ARFIP1: variants seen among roughly 807,000 people sequenced by gnomAD.
ARFIP1 encodes ARF interacting protein 1, also known as arfaptin-1.
A neutral mutation model predicts 42.5 loss-of-function variants in ARFIP1; 24 were observed. That is an observed-to-expected ratio of 0.57 (90% CI 0.41 to 0.80). The LOEUF (loss-of-function observed/expected upper bound fraction) is 0.80. ARFIP1 is among the 30% of genes least tolerant of loss of function. The pLI is 0.00. For synonymous variants in ARFIP1, 141 were observed against 153.7 expected, an observed-to-expected ratio of 0.92 and a Z score of 0.61; for missense variants, 354 against 434.0, an observed-to-expected ratio of 0.82 and a Z score of 1.64.
At chr4:152,837,351 C>T (rs939406755) in intron 2 of ARFIP1, among the ~76,000 whole-genome samples, 2 of 152,192 alleles carry the variant, frequency 1.3e-5, no homozygotes, top group Non-Finnish European at 2.9e-5. Flanking sequence ...GGAATCTCCA[C>T]ACTGTTTTCC....
At chr4:152,893,426 G>A (rs1174730941) in intron 8 of ARFIP1, among the ~76,000 whole-genome samples, 1 of 151,842 alleles carries the variant, frequency 6.6e-6, no homozygotes, top group African/African-American at 2.4e-5. Context: ...TTTTTAGATA[G>A]CTTTTTATGT....
intron 1 of ARFIP1, among the ~76,000 whole-genome samples, chr4:152,811,062 C>T (rs4350995): frequency 1.3e-5 from 2 of 148,336 alleles, no homozygotes; most frequent in African/African-American, 2.5e-5. Flanking sequence ...ACATGGAAAT[C>T]GACAACAGCC....
intron 1 of ARFIP1, among the ~76,000 whole-genome samples, chr4:152,807,605 G>A (rs1200993369): frequency 6.6e-6 from 1 of 151,854 alleles, no homozygotes; most frequent in Non-Finnish European, 1.5e-5. Context: ...TTTTTCATTT[G>A]TGTTTTCTTG....
chr4:152,889,838 A>ATATATATAC (rs539861593), intron 8 of ARFIP1, among the ~76,000 whole-genome samples: 8 of 108,726 alleles, frequency 7.4e-5, no homozygotes, highest in African/African-American at 2.3e-4. Flanking sequence ...ACTATATACT[A>ATATATATAC]TATATATACT....
chr4:152,866,006 G>A (rs1224218224), intron 3 of ARFIP1, among the ~76,000 whole-genome samples: 2 of 152,004 alleles, frequency 1.3e-5, no homozygotes, highest in African/African-American at 4.8e-5. Context: ...CCTAGGCAGA[G>A]GACCCTGCGG....
intron 2 of ARFIP1, among the ~76,000 whole-genome samples, chr4:152,858,840 T>C (rs548023414): frequency 6.6e-6 from 1 of 152,266 alleles, no homozygotes; most frequent in Admixed American, 6.5e-5. Flanking sequence ...GTAAGGGGAA[T>C]AGGGATTTCT....
chr4:152,788,643 G>A (rs1730954528), intron 1 of ARFIP1, among the ~76,000 whole-genome samples: 1 of 151,984 alleles, frequency 6.6e-6, no homozygotes, highest in Non-Finnish European at 1.5e-5. Flanking sequence ...ATTATGCCAC[G>A]GTACTCCATC....
At chr4:152,870,316 A>T (rs1734771997) in intron 3 of ARFIP1, among the ~76,000 whole-genome samples, 1 of 152,232 alleles carries the variant, frequency 6.6e-6, no homozygotes. Flanking sequence ...ATATGAGAGC[A>T]TGTTTTAATA....
chr4:152,907,975 A>C (rs1738509508), intron 8 of ARFIP1, among the ~76,000 whole-genome samples: 1 of 152,240 alleles, frequency 6.6e-6, no homozygotes, highest in Admixed American at 6.5e-5. Flanking sequence ...TTTCAAAAAC[A>C]ATTGTACATA....
chr4:152,874,606 T>C (rs1735169623), intron 5 of ARFIP1, among the ~76,000 whole-genome samples: 1 of 152,240 alleles, frequency 6.6e-6, no homozygotes, highest in Non-Finnish European at 1.5e-5. Flanking sequence ...ATTTGGATAA[T>C]GCTTCAAATA....
At chr4:152,834,768 G>T (rs1578896321) in intron 2 of ARFIP1, among the ~76,000 whole-genome samples, 1 of 152,206 alleles carries the variant, frequency 6.6e-6, no homozygotes, top group Admixed American at 6.5e-5. Flanking sequence ...GGTCTGGAGG[G>T]TGGTGGCTCC....
intron 1 of ARFIP1, among the ~76,000 whole-genome samples, chr4:152,816,422 C>G (rs1465478679): frequency 1.3e-5 from 2 of 152,204 alleles, no homozygotes; most frequent in Admixed American, 6.5e-5. Flanking sequence ...ATGATACCAC[C>G]TCCTGATACT....
chr4:152,807,072 G>A (rs1045237108), intron 1 of ARFIP1: 3 of 151,980 alleles, frequency 2.0e-5, no homozygotes, highest in Non-Finnish European at 2.9e-5. Context: ...CCCATGTTTC[G>A]AAATTAATCA....
chr4:152,832,632 G>A (rs1385893455), intron 2 of ARFIP1, among the ~76,000 whole-genome samples: 4 of 151,934 alleles, frequency 2.6e-5, no homozygotes, highest in Admixed American at 2.0e-4. Context: ...TTTTTATGTC[G>A]CATTTAAGAA....
At chr4:152,894,324 T>C (rs142111936) in intron 8 of ARFIP1, among the ~76,000 whole-genome samples, 199 of 152,230 alleles carry the variant, frequency 1.3e-3, no homozygotes, top group African/African-American at 4.3e-3. Flanking sequence ...CTAAAACTTC[T>C]CTTTGAGAGG....
chr4:152,893,707 G>T (rs573036695), intron 8 of ARFIP1, among the ~76,000 whole-genome samples: 1 of 152,216 alleles, frequency 6.6e-6, no homozygotes, highest in South Asian at 2.1e-4. Context: ...TCATTATTAT[G>T]TTATATTTTA....
chr4:152,870,926 T>G, intron 4 of ARFIP1, 78 bp downstream of exon 4: 2 of 1,226,884 alleles, frequency 1.6e-6, no homozygotes, highest in South Asian at 2.6e-5. Flanking sequence ...TCATAATCAC[T>G]TGCTTTATAT....
chr4:152,843,210 G>A (rs572400160), intron 2 of ARFIP1, among the ~76,000 whole-genome samples: 1 of 152,306 alleles, frequency 6.6e-6, no homozygotes, highest in South Asian at 2.1e-4. Context: ...GCCACCCAGA[G>A]AGTGTATCTG....
At chr4:152,906,894 G>A (rs1738403959) in intron 8 of ARFIP1, among the ~76,000 whole-genome samples, 1 of 152,130 alleles carries the variant, frequency 6.6e-6, no homozygotes, top group South Asian at 2.1e-4. Flanking sequence ...CCTCTGTGTG[G>A]AATGTTTTTC....
Sources: allele counts gnomAD v4.1 joint callset (sites outside exome capture counted in the v4.1 genomes callset), GRCh38; gene constraint gnomAD v4.1.1; transcripts MANE v1.5; gene names NCBI Gene and HGNC (gene_info 2026-07-23, HGNC 2026-07-21).